The following GRAMD1B variants were observed in gnomAD, a reference collection of about 807,000 sequenced individuals.
GRAMD1B encodes protein Aster-B.
A neutral mutation model predicts 99.7 loss-of-function variants in GRAMD1B; 37 were observed. The observed-to-expected ratio is 0.37, with a 90% CI of 0.29 to 0.49. The LOEUF is 0.49. Among genes scored for constraint, GRAMD1B ranks in the 20% least tolerant of loss-of-function variants. The pLI is 0.98. For missense variants in GRAMD1B, 888 were observed against 1,009.2 expected, an observed-to-expected ratio of 0.88 and a Z score of 1.63; for synonymous variants, 427 against 387.6, an observed-to-expected ratio of 1.10 and a Z score of -1.19.
Position 123,431,009 on chromosome 11 carries a change from G to C in GRAMD1B, c.217G>C (p.Glu73Gln), listed in dbSNP as rs1338850968. ...GCCCGCCGTCTTGGCCCCCGGCAAG[G>C]AGTTCCTGCAGCTGCCGTCCATCGA... ...DLPAVLAPGKEFLQLPSIEIT... is the reference protein window; with the variant it reads ...DLPAVLAPGKQFLQLPSIEIT... Residue 73 changes from glutamate to glutamine, a missense_variant, in exon 1 of 20, where the codon GAG (glutamate) becomes CAG (glutamine). Glu to Gln is a conservative substitution (Grantham distance 29). Around this residue, in one of 5 missense-constraint regions of GRAMD1B, gnomAD observed 233 missense variants for 154.6 expected, o/e 1.51. Coordinates refer to ENST00000635736, the MANE Select transcript of GRAMD1B (RefSeq NM_001387025.1). 1.4e-6 allele frequency: 1 copy of C among 702,852 alleles called. No individual in the cohort carries two copies. The highest frequency in any genetic ancestry group is 2.0e-5 in the Admixed American group (1 of 50,002). 43.5% of individuals were successfully genotyped at this position (702,852 alleles called of 1,614,324 possible).
At chr11:123,363,433 A>C (rs1946212012) in intron 1 of GRAMD1B, among the ~76,000 whole-genome samples, 1 of 152,214 alleles carries the variant, frequency 6.6e-6, no homozygotes, top group Non-Finnish European at 1.5e-5. Flanking sequence ...CCGCCTGTAA[A>C]GAACTGTTTT....
chr11:123,612,912 CTG>C, intron 15 of GRAMD1B, 48 bp downstream of exon 15: 1 of 1,068,438 alleles, frequency 9.4e-7, no homozygotes, highest in Non-Finnish European at 1.4e-6. Flanking sequence ...AGATGGTAAA[CTG>C]CACTGCGGCC....
intron 1 of GRAMD1B, among the ~76,000 whole-genome samples, chr11:123,407,214 C>G (rs554906544): frequency 6.6e-6 from 1 of 152,082 alleles, no homozygotes; most frequent in African/African-American, 2.4e-5. Flanking sequence ...ATCTGAAAAT[C>G]CCAAACAAAT....
At chr11:123,456,038 G>A (rs1315847043) in intron 1 of GRAMD1B, among the ~76,000 whole-genome samples, 1 of 152,114 alleles carries the variant, frequency 6.6e-6, no homozygotes, top group Non-Finnish European at 1.5e-5. Flanking sequence ...GGGTGTGGTG[G>A]CACACACCTG....
rs1442235297 is a variant in GRAMD1B at position 123,492,267 on chromosome 11, G to T, written c.452+11374G>T. Among the ~76,000 whole-genome samples, 1 of 152,170 alleles carries T rather than the reference G, an allele frequency of 6.6e-6. No individual in the cohort carries two copies. Among genetic ancestry groups the T allele is most frequent in the Non-Finnish European group, 1.5e-5 (1 of 68,024 alleles). The stretch of plus-strand genomic sequence containing the variant: ...AGAACTTGGAAATCCTGAGAAAGGT[G>T]CGGTAGGGAACAGTGTAGTCTGCCT... On this transcript the variant is annotated intron_variant, in intron 2 of 19. Transcript: ENST00000635736. This position sits in a 1 kb window ranked among gnomAD's most constrained non-coding sequence, Gnocchi z 4.2.
rs771900117 is a variant in GRAMD1B at position 123,609,864 on chromosome 11, C to T, written c.1727C>T (p.Thr576Ile). ...NQSRVILYTITLTNPLAPKTA... is the reference protein window; with the variant it reads ...NQSRVILYTIILTNPLAPKTA... ...AGCCGAGTGATTCTTTACACCATCA[C>T]CCTTACCAACCCTCTGGCTCCCAAA... The change falls in exon 13 of 20, where the codon ACC becomes ATC. Residue 576 changes from threonine (T) to isoleucine (I), a missense_variant. By Grantham distance (89) the Thr-to-Ile change is moderately conservative. Around this residue, in one of 5 missense-constraint regions of GRAMD1B, gnomAD observed 92 missense variants for 156.9 expected, o/e 0.59. Coordinates refer to ENST00000635736, the MANE Select transcript of GRAMD1B (RefSeq NM_001387025.1). The T allele has an allele frequency of 3.7e-6, 6 of 1,602,172 alleles. No individual in the cohort carries two copies. The highest frequency in any genetic ancestry group is 5.1e-6 in the Non-Finnish European group (6 of 1,174,200).
chr11:123,583,912 G>T (rs565910324), intron 3 of GRAMD1B, among the ~76,000 whole-genome samples: 166 of 152,250 alleles, frequency 1.1e-3, no homozygotes, highest in African/African-American at 3.8e-3. Context: ...TTTACAGGGG[G>T]CTGTCTTAGA....
intron 1 of GRAMD1B, among the ~76,000 whole-genome samples, chr11:123,410,515 C>G (rs1324800576): frequency 6.6e-6 from 1 of 152,064 alleles, no homozygotes; most frequent in Non-Finnish European, 1.5e-5. Flanking sequence ...GCCAGGGAGT[C>G]CCACCTGCAG....
chr11:123,405,176 T>G (rs546458898), intron 1 of GRAMD1B, among the ~76,000 whole-genome samples: 1 of 149,898 alleles, frequency 6.7e-6, no homozygotes, highest in Admixed American at 6.7e-5. Context: ...GGAGAGTATG[T>G]TGTAATCATG....
At chr11:123,452,078 C>A (rs887773754) in intron 1 of GRAMD1B, among the ~76,000 whole-genome samples, 1 of 152,192 alleles carries the variant, frequency 6.6e-6, no homozygotes, top group Non-Finnish European at 1.5e-5. Context: ...AAGAAATTCT[C>A]TTTCCTTGGC....
In GRAMD1B at chr11:123,430,644, T is replaced by C. The variant is rs1948830484; in HGVS notation, c.-149T>C. 1 of 505,334 alleles carries C rather than the reference T, an allele frequency of 2.0e-6. No homozygotes were observed. The allele number at this position is 505,334 out of a possible 1,614,324, so 31.3% of individuals were successfully genotyped here. A position where few individuals can be genotyped will look rare whatever the true frequency, so the allele number is the denominator to read the frequency against. On this transcript the variant is annotated 5_prime_UTR_variant, in exon 1 of 20. Coordinates refer to ENST00000635736, the MANE Select transcript of GRAMD1B (RefSeq NM_001387025.1). The stretch of plus-strand genomic sequence containing the variant: ...CTACGCCGCGTCCCCTCGCGTCCCT[T>C]CCTCGCTGCGCTCCGGGAAAGGAAC...
intron 2 of GRAMD1B, chr11:123,525,950 G>C (rs1942676238): frequency 1.7e-6 from 1 of 593,634 alleles, no homozygotes; most frequent in South Asian, 2.2e-5. Flanking sequence ...TTTCAGCTGG[G>C]AGAGGGGGAA....
intron 1 of GRAMD1B, among the ~76,000 whole-genome samples, chr11:123,408,286 A>C (rs1947923791): frequency 6.6e-6 from 1 of 152,250 alleles, no homozygotes; most frequent in African/African-American, 2.4e-5. Context: ...AAGGAATTCT[A>C]ACATGGCATT....
At chr11:123,520,474 T>C (rs549338828) in intron 2 of GRAMD1B, among the ~76,000 whole-genome samples, 17 of 152,200 alleles carry the variant, frequency 1.1e-4, no homozygotes, top group African/African-American at 4.1e-4. Context: ...AGTTAGCTAA[T>C]ACAAAATAAT....
intron 2 of GRAMD1B, among the ~76,000 whole-genome samples, chr11:123,569,411 C>G (rs1471622063): frequency 6.6e-6 from 1 of 152,144 alleles, no homozygotes; most frequent in Non-Finnish European, 1.5e-5. Flanking sequence ...CTACAAGGTT[C>G]TGGTTGGGTC....
At chr11:123,370,551 G>A (rs923724062) in intron 1 of GRAMD1B, among the ~76,000 whole-genome samples, 2 of 151,826 alleles carry the variant, frequency 1.3e-5, no homozygotes. Flanking sequence ...TGTTGCCCAG[G>A]CTGGTCTCGA....
At chr11:123,462,182 T>C (rs932845686) in intron 1 of GRAMD1B, among the ~76,000 whole-genome samples, 1 of 151,392 alleles carries the variant, frequency 6.6e-6, no homozygotes, top group Non-Finnish European at 1.5e-5. Flanking sequence ...TTAGCCAGGA[T>C]GGTCTCGATC....
At chr11:123,433,166 C>T (rs1948983529) in intron 1 of GRAMD1B, among the ~76,000 whole-genome samples, 1 of 152,056 alleles carries the variant, frequency 6.6e-6, no homozygotes, top group Admixed American at 6.5e-5. Flanking sequence ...CACCTGAGGT[C>T]AGGAGTTCGA....
chr11:123,573,327 T>C (rs1273047994), intron 2 of GRAMD1B, among the ~76,000 whole-genome samples: 1 of 152,184 alleles, frequency 6.6e-6, no homozygotes, highest in Non-Finnish European at 1.5e-5. Context: ...GGGTCTTTAA[T>C]CATCAAAAAG....
Sources: gnomAD v4.1 joint callset for allele counts (sites outside exome capture counted in the v4.1 genomes callset) on GRCh38, gnomAD v4.1.1 for gene constraint, gnomAD v4.1.1 regional missense constraint, Gnocchi (gnomAD v3.1) non-coding constraint, MANE v1.5 for transcripts, NCBI Gene and HGNC (gene_info 2026-07-23, HGNC 2026-07-21) for gene names.